The following SPMAP2L variants were observed in gnomAD, a reference collection of about 807,000 sequenced individuals.
SPMAP2L encodes the protein sperm microtubule associated protein 2 like.
chr4:56,622,318 CA>C, the SPMAP2L span, among the ~76,000 whole-genome samples: 2 of 152,156 alleles, frequency 1.3e-5, no homozygotes, highest in Non-Finnish European at 2.9e-5. Flanking sequence ...TTTGCAAAGG[CA>C]ATAAGGAATA....
At chr4:56,537,602 C>G in the SPMAP2L span, among the ~76,000 whole-genome samples, 1 of 152,154 alleles carries the variant, frequency 6.6e-6, no homozygotes, top group South Asian at 2.1e-4. Flanking sequence ...AGTTTTATCT[C>G]AAGAATATTT....
the SPMAP2L span, chr4:56,593,446 C>T: frequency 1.3e-6 from 2 of 1,565,420 alleles, no homozygotes; most frequent in Non-Finnish European, 8.8e-7. Flanking sequence ...AGTGTTGTTC[C>T]AGTACCCAGA....
At chr4:56,605,697 T>C in the SPMAP2L span, among the ~76,000 whole-genome samples, 1 of 152,110 alleles carries the variant, frequency 6.6e-6, no homozygotes, top group African/African-American at 2.4e-5. Context: ...CCAACCCCCT[T>C]TCGTGAGGAG....
chr4:56,625,708 G>A, the SPMAP2L span, among the ~76,000 whole-genome samples: 10 of 152,092 alleles, frequency 6.6e-5, no homozygotes, highest in South Asian at 2.1e-4. Flanking sequence ...TGATTCTGAG[G>A]CCTCCCCAGC....
At chr4:56,618,698 C>T in the SPMAP2L span, among the ~76,000 whole-genome samples, 8 of 152,288 alleles carry the variant, frequency 5.3e-5, no homozygotes, top group East Asian at 1.5e-3. Context: ...ATGGGAACTA[C>T]AGTTCAAGAT....
At chr4:56,530,889 C>G in the SPMAP2L span, 2 of 1,534,802 alleles carry the variant, frequency 1.3e-6, no homozygotes, top group Non-Finnish European at 1.7e-6. Flanking sequence ...ACCAGAGAGA[C>G]GAGTCCGAGG....
At chr4:56,568,915 G>A in the SPMAP2L span, among the ~76,000 whole-genome samples, 1 of 152,112 alleles carries the variant, frequency 6.6e-6, no homozygotes, top group South Asian at 2.1e-4. Context: ...CTTACAATAT[G>A]TTGTTCTTTG....
At chr4:56,621,235 C>T in the SPMAP2L span, among the ~76,000 whole-genome samples, 1 of 152,060 alleles carries the variant, frequency 6.6e-6, no homozygotes, top group African/African-American at 2.4e-5. Context: ...AAATGAAAAG[C>T]AACATGAAAG....
chr4:56,552,561 G>A, the SPMAP2L span: 1 of 1,521,452 alleles, frequency 6.6e-7, no homozygotes, highest in Non-Finnish European at 8.8e-7. Flanking sequence ...TTTCTTCTAG[G>A]AAGAGAACCC....
the SPMAP2L span, chr4:56,595,235 G>C: frequency 1.2e-6 from 2 of 1,611,988 alleles, no homozygotes; most frequent in East Asian, 4.5e-5. Context: ...GGTTATGTGG[G>C]TCATGAATTT....
At chr4:56,532,422 T>C in the SPMAP2L span, among the ~76,000 whole-genome samples, 1 of 149,932 alleles carries the variant, frequency 6.7e-6, no homozygotes, top group South Asian at 2.2e-4. Flanking sequence ...GATACCACTC[T>C]CATTTCCTGA....
At chr4:56,571,951 C>A in the SPMAP2L span, among the ~76,000 whole-genome samples, 23 of 152,094 alleles carry the variant, frequency 1.5e-4, no homozygotes, top group Admixed American at 9.2e-4. Context: ...TGTTTAGGAG[C>A]AAAACATGCA....
At chr4:56,604,763 C>T in the SPMAP2L span, among the ~76,000 whole-genome samples, 240 of 152,264 alleles carry the variant, frequency 1.6e-3, no homozygotes, top group African/African-American at 5.4e-3. Flanking sequence ...AAATGCCCAT[C>T]AACCAACAAG....
chr4:56,566,541 A>T, the SPMAP2L span, among the ~76,000 whole-genome samples: 1 of 151,802 alleles, frequency 6.6e-6, no homozygotes, highest in South Asian at 2.1e-4. Flanking sequence ...ATTTCAGTTT[A>T]TCTTCTTTAT....
the SPMAP2L span, chr4:56,593,490 C>G: frequency 6.3e-7 from 1 of 1,598,200 alleles, no homozygotes; most frequent in Non-Finnish European, 8.6e-7. Context: ...TTACGGAACT[C>G]GTGGAGAGAG....
chr4:56,576,837 C>T, the SPMAP2L span, among the ~76,000 whole-genome samples: 8,703 of 152,146 alleles, frequency 0.057, 723 homozygotes, highest in African/African-American at 0.19. Flanking sequence ...TTCTTGAGAC[C>T]TCAGTTTGAT....
At chr4:56,594,305 C>A in the SPMAP2L span, 1 of 1,537,972 alleles carries the variant, frequency 6.5e-7, no homozygotes, top group Non-Finnish European at 9.0e-7. Flanking sequence ...TTCCCTTGTT[C>A]ACAGCATGAT....
At chr4:56,619,822 A>C in the SPMAP2L span, among the ~76,000 whole-genome samples, 11 of 152,246 alleles carry the variant, frequency 7.2e-5, no homozygotes, top group Non-Finnish European at 1.5e-4. Context: ...CTATTTGATA[A>C]GGGGTTAAAC....
chr4:56,607,947 T>G, the SPMAP2L span, among the ~76,000 whole-genome samples: 5 of 149,676 alleles, frequency 3.3e-5, no homozygotes, highest in Admixed American at 3.3e-4. Context: ...GAGCCATGAT[T>G]GTGCCACTGC....
Sources: gnomAD v4.1 joint callset for allele counts (sites outside exome capture counted in the v4.1 genomes callset) on GRCh38, gnomAD v4.1.1 for gene constraint, MANE v1.5 for transcripts, NCBI Gene and HGNC (gene_info 2026-07-23, HGNC 2026-07-21) for gene names.